The following PRELID2 variants were observed in gnomAD, a reference collection of about 807,000 sequenced individuals.
PRELID2 encodes PRELI domain containing 2, also known as PRELI domain-containing protein 2.
In PRELID2, 25 loss-of-function variants were observed where a neutral mutation model predicts 28.4. The observed-to-expected ratio is 0.88, with a 90% CI of 0.64 to 1.23. The LOEUF (loss-of-function observed/expected upper bound fraction) is 1.23. Ranked by LOEUF, PRELID2 falls within the 50% of genes most tolerant of loss-of-function variation. The pLI is 0.00. For missense variants in PRELID2, 201 were observed against 214.4 expected, an observed-to-expected ratio of 0.94 and a Z score of 0.39; for synonymous variants, 76 against 71.6, an observed-to-expected ratio of 1.06 and a Z score of -0.31.
intron 4 of PRELID2, among the ~76,000 whole-genome samples, chr5:145,800,548 G>C (rs1753068394): frequency 6.6e-6 from 1 of 152,150 alleles, no homozygotes; most frequent in East Asian, 1.9e-4. Context: ...TCTTGGGAGA[G>C]ATGAACTCTT....
intron 1 of PRELID2, among the ~76,000 whole-genome samples, chr5:145,611,881 T>C (rs1019181844): frequency 6.6e-6 from 1 of 152,104 alleles, no homozygotes; most frequent in Non-Finnish European, 1.5e-5. Context: ...TAGATCTAGC[T>C]CTATGAGAAG....
At chr5:145,304,117 T>A in the PRELID2 span, among the ~76,000 whole-genome samples, 498 of 152,286 alleles carry the variant, frequency 3.3e-3, 2 homozygotes, top group African/African-American at 0.012. Context: ...ATATCGTTTA[T>A]AAAATATTGG....
At chr5:145,776,643 G>C (rs1019191225) in intron 5 of PRELID2, among the ~76,000 whole-genome samples, 5 of 152,202 alleles carry the variant, frequency 3.3e-5, no homozygotes, top group Non-Finnish European at 7.3e-5. Context: ...CCAAAGATAA[G>C]GGGGACTACT....
chr5:145,772,727 G>A (rs922795256), intron 5 of PRELID2, among the ~76,000 whole-genome samples: 1 of 152,168 alleles, frequency 6.6e-6, no homozygotes, highest in Non-Finnish European at 1.5e-5. Flanking sequence ...GCCTTGGGGG[G>A]ACACATTCAA....
At chr5:145,797,329 T>C (rs950532784) in intron 4 of PRELID2, among the ~76,000 whole-genome samples, 1 of 152,042 alleles carries the variant, frequency 6.6e-6, no homozygotes, top group Non-Finnish European at 1.5e-5. Flanking sequence ...AAGAGCCACA[T>C]CAAAGCAGAT....
At chr5:145,661,328 A>C (rs1754488488) in intron 1 of PRELID2, among the ~76,000 whole-genome samples, 1 of 152,128 alleles carries the variant, frequency 6.6e-6, no homozygotes, top group Non-Finnish European at 1.5e-5. Flanking sequence ...ATGGTATGCT[A>C]TGTATCTTTT....
the PRELID2 span, among the ~76,000 whole-genome samples, chr5:145,322,147 G>T: frequency 6.6e-6 from 1 of 152,154 alleles, no homozygotes; most frequent in Non-Finnish European, 1.5e-5. Context: ...GCTAGAAAAT[G>T]TCCGTAGGAT....
chr5:145,314,031 C>T, the PRELID2 span, among the ~76,000 whole-genome samples: 1 of 152,144 alleles, frequency 6.6e-6, no homozygotes, highest in Non-Finnish European at 1.5e-5. Context: ...TTATGTTATG[C>T]TATGAGACAT....
At chr5:145,750,768 A>G (rs1210556686) in intron 1 of PRELID2, among the ~76,000 whole-genome samples, 1 of 152,226 alleles carries the variant, frequency 6.6e-6, no homozygotes, top group Non-Finnish European at 1.5e-5. Context: ...AATAAACCAG[A>G]AAAGAGGTGT....
chr5:145,268,690 C>T, the PRELID2 span, among the ~76,000 whole-genome samples: 1 of 151,950 alleles, frequency 6.6e-6, no homozygotes, highest in Non-Finnish European at 1.5e-5. Flanking sequence ...ATAAGAGGTC[C>T]TAACCAGACA....
At chr5:145,736,229 T>C (rs1441741446) in intron 1 of PRELID2, among the ~76,000 whole-genome samples, 2 of 152,238 alleles carry the variant, frequency 1.3e-5, no homozygotes, top group African/African-American at 4.8e-5. Context: ...ATCACATATT[T>C]GTTATAAAAA....
chr5:145,668,763 T>C (rs1456425618), intron 1 of PRELID2, among the ~76,000 whole-genome samples: 1 of 152,124 alleles, frequency 6.6e-6, no homozygotes, highest in Non-Finnish European at 1.5e-5. Flanking sequence ...AGCTGGTTTA[T>C]TGGTTTCAAT....
intron 5 of PRELID2, among the ~76,000 whole-genome samples, chr5:145,782,762 T>C (rs923839229): frequency 6.6e-6 from 1 of 152,238 alleles, no homozygotes; most frequent in Non-Finnish European, 1.5e-5. Flanking sequence ...CTGATGCTCT[T>C]AAATCCCTAG....
intron 1 of PRELID2, among the ~76,000 whole-genome samples, chr5:145,541,473 A>G (rs906085376): frequency 3.9e-5 from 6 of 152,090 alleles, no homozygotes; most frequent in African/African-American, 1.4e-4. Context: ...CCCAGGCTAC[A>G]TGGAACCACA....
At chr5:145,653,236 C>A (rs921628569) in intron 1 of PRELID2, among the ~76,000 whole-genome samples, 1 of 152,092 alleles carries the variant, frequency 6.6e-6, no homozygotes, top group Non-Finnish European at 1.5e-5. Context: ...ACAGGAGCAC[C>A]CAGATTTATA....
At chr5:145,490,993 G>A (rs570246390) in intron 1 of PRELID2, among the ~76,000 whole-genome samples, 16 of 145,752 alleles carry the variant, frequency 1.1e-4, no homozygotes, top group Non-Finnish European at 2.1e-4. Context: ...ACCAACACCT[G>A]TCTTCAAAAC....
chr5:145,230,050 G>C, the PRELID2 span: 9 of 692,930 alleles, frequency 1.3e-5, no homozygotes, highest in East Asian at 2.5e-4. Context: ...TTCACTGCCA[G>C]ATAGACCCCT....
At chr5:145,383,716 A>G in the PRELID2 span, among the ~76,000 whole-genome samples, 1 of 151,602 alleles carries the variant, frequency 6.6e-6, no homozygotes, top group Non-Finnish European at 1.5e-5. Flanking sequence ...AAGTGTAAAA[A>G]TCTTCTAGAA....
chr5:145,776,024 T>C (rs2149787902), intron 5 of PRELID2, among the ~76,000 whole-genome samples: 2 of 103,254 alleles, frequency 1.9e-5, no homozygotes, highest in Non-Finnish European at 4.6e-5. Flanking sequence ...TGTTTTTAAG[T>C]CAACTATTTG....
Sources: gnomAD v4.1 joint callset for allele counts (sites outside exome capture counted in the v4.1 genomes callset) on GRCh38, gnomAD v4.1.1 for gene constraint, MANE v1.5 for transcripts, NCBI Gene and HGNC (gene_info 2026-07-23, HGNC 2026-07-21) for gene names.